The following RRP9 variants were observed in gnomAD, a reference collection of about 807,000 sequenced individuals.
RRP9 encodes the protein ribosomal RNA processing 9, U3 small nucleolar RNA binding protein.
In RRP9, 35 loss-of-function variants were observed where a neutral mutation model predicts 65.5. The observed-to-expected ratio is 0.53, with a 90% confidence interval of 0.41 to 0.71. The LOEUF is 0.71. Ranked by LOEUF, RRP9 falls within the 30% of genes least tolerant of loss-of-function variation. The pLI is 0.00. For synonymous variants in RRP9, 254 were observed against 245.0 expected, an observed-to-expected ratio of 1.04 and a Z score of -0.34; for missense variants, 533 against 633.6, an observed-to-expected ratio of 0.84 and a Z score of 1.70.
In RRP9 at chr3:51,933,594, C is replaced by T; in HGVS notation, c.1340G>A (p.Gly447Asp). The change falls in exon 15 of 15, where the codon GGC becomes GAC. Residue 447 changes from glycine (G) to aspartate (D), a missense_variant. Coordinates refer to ENST00000232888, the MANE Select transcript of RRP9 (RefSeq NM_004704.5). Reference protein sequence around the residue: ...VAGVGQEHRLGRWWRIKEARN... With the variant: ...VAGVGQEHRLDRWWRIKEARN... ...AGCCTCTTTGATTCTCCACCATCGG[C>T]CAAGCCTGCAGGGAGTGCAAGACGC... 6.2e-7 allele frequency: 1 copy of T among 1,614,048 alleles called. No individual in the cohort carries two copies. The highest frequency in any genetic ancestry group is 1.1e-5 in the South Asian group (1 of 91,084).
Position 51,937,707 on chromosome 3 carries a change from C to G in RRP9, c.310G>C (p.Glu104Gln). The change falls in exon 4 of 15, where the codon GAG becomes CAG. Residue 104 changes from glutamate to glutamine, a missense_variant. Transcript: ENST00000232888. The surrounding 1 kb of genome is among the most constrained non-coding windows in gnomAD (Gnocchi z 5.0). ...EEEKAEARAF[E>Q]EDQVAGRLKE... ...AGGCGCCCCGCCACCTGGTCCTCCT[C>G]AAATGCACGGGCCTCAGCCTTCTCC... 13 of 1,614,192 alleles carry G rather than the reference C, an allele frequency of 8.1e-6. No individual in the cohort carries two copies. Among genetic ancestry groups the G allele is most frequent in the African/African-American group, 2.7e-5 (2 of 75,070 alleles).
At chr3:51,939,037 CCT>C (rs1174568799) in intron 2 of RRP9, among the ~76,000 whole-genome samples, 2 of 152,212 alleles carry the variant, frequency 1.3e-5, no homozygotes, top group East Asian at 3.8e-4. Context: ...GCTGCTTTGA[CCT>C]GCTCCTGGGA....
chr3:51,937,859 G>A lies in RRP9; in HGVS notation c.281-123C>T, dbSNP rs997816758. 5 of 1,239,256 alleles carry A rather than the reference G, an allele frequency of 4.0e-6. No homozygotes were observed. Among genetic ancestry groups the A allele is most frequent in the South Asian group, 2.7e-5 (2 of 73,532 alleles). 76.8% of individuals were successfully genotyped at this position (1,239,256 alleles called of 1,614,324 possible). A position where few individuals can be genotyped will look rare whatever the true frequency, so the allele number is the denominator to read the frequency against. ...GAAGCTCCAGCTGCCTCAGCAGAGG[G>A]GAGGGCAAGCTGGAGGGTTTCCTCC... On this transcript the variant is annotated intron_variant, in intron 3 of 14. Transcript: ENST00000232888. The surrounding 1 kb of genome is among the most constrained non-coding windows in gnomAD (Gnocchi z 5.0).
chr3:51,938,078 C>T lies in RRP9; in HGVS notation c.280+17G>A. 2.5e-6 allele frequency: 4 copies of T among 1,574,744 alleles called. No individual in the cohort carries two copies. The highest frequency in any genetic ancestry group is 2.6e-6 in the Non-Finnish European group (3 of 1,163,904). On this transcript the variant is annotated intron_variant, in intron 3 of 14. Coordinates refer to ENST00000232888, the MANE Select transcript of RRP9 (RefSeq NM_004704.5). ...AGGCAGAAGCCCTGCCCATGGCTGG[C>T]CTGCCCACTGGCTCACCTTGCTGAC...
At chr3:51,936,691 G>A (rs4687791) in intron 6 of RRP9, 136 bp from the exon 7 acceptor site, 10 of 903,274 alleles carry the variant, frequency 1.1e-5, no homozygotes, top group East Asian at 2.6e-5. Flanking sequence ...CTCAGCCACC[G>A]TGAGCCTCCG....
Position 51,937,874 on chromosome 3 carries a change from G to A in RRP9, c.281-138C>T. 8.8e-7 allele frequency: 1 copy of A among 1,135,252 alleles called. No individual in the cohort carries two copies. Among genetic ancestry groups the A allele is most frequent in the East Asian group, 2.4e-5 (1 of 41,634 alleles). The allele number at this position is 1,135,252 out of a possible 1,614,324, so 70.3% of individuals were successfully genotyped here. On this transcript the variant is annotated intron_variant, in intron 3 of 14. Coordinates refer to ENST00000232888, the MANE Select transcript of RRP9 (RefSeq NM_004704.5). The surrounding 1 kb of genome is among the most constrained non-coding windows in gnomAD (Gnocchi z 5.0). ...TCAGCAGAGGGGAGGGCAAGCTGGA[G>A]GGTTTCCTCCTGCCTTTACTTATCA...
chr3:51,937,534 T>C lies in RRP9; in HGVS notation c.390+11A>G, dbSNP rs765752228. ...CCTCCAACCTTATACCAAAATACCA[T>C]GCCCACTCACCTCTTTTGCCACCAA... On this transcript the variant is annotated intron_variant, in intron 5 of 14. Transcript: ENST00000232888. The surrounding 1 kb of genome is among the most constrained non-coding windows in gnomAD (Gnocchi z 5.0). 2 of 1,614,176 alleles carry C rather than the reference T, an allele frequency of 1.2e-6. No individual in the cohort carries two copies. The highest frequency in any genetic ancestry group is 1.7e-6 in the Non-Finnish European group (2 of 1,180,028).
In RRP9 at chr3:51,937,956, A is replaced by G. The variant is rs1699478245; in HGVS notation, c.280+139T>C. On this transcript the variant is annotated intron_variant, in intron 3 of 14. Coordinates refer to ENST00000232888, the MANE Select transcript of RRP9 (RefSeq NM_004704.5). The surrounding 1 kb of genome is among the most constrained non-coding windows in gnomAD (Gnocchi z 5.0). ...CATGAGAGCTTCTGGCCACCCCCAC[A>G]GGGCAGCCAGCACTGACAGCCTGGG... 1.1e-6 allele frequency: 1 copy of G among 924,664 alleles called. No homozygotes were observed. The highest frequency in any genetic ancestry group is 2.4e-5 in the East Asian group (1 of 41,066). The allele number at this position is 924,664 out of a possible 1,614,324, so 57.3% of individuals were successfully genotyped here. A position where few individuals can be genotyped will look rare whatever the true frequency, so the allele number is the denominator to read the frequency against.
chr3:51,939,955 A>C (rs1461223434), intron 2 of RRP9, among the ~76,000 whole-genome samples: 1 of 152,208 alleles, frequency 6.6e-6, no homozygotes, highest in African/African-American at 2.4e-5. Context: ...TAACCTTCGG[A>C]TTAAGAAAAG....
At chr3:51,940,626 A>G (rs1440184099) in intron 2 of RRP9, among the ~76,000 whole-genome samples, 3 of 151,990 alleles carry the variant, frequency 2.0e-5, no homozygotes, top group Non-Finnish European at 4.4e-5. Context: ...GGGATCCCCA[A>G]ACCTTAGCCT....
At chr3:51,938,023 G>GAT in intron 3 of RRP9, 72 bp downstream of exon 3, 1 of 1,277,244 alleles carries the variant, frequency 7.8e-7, no homozygotes, top group African/African-American at 1.5e-5. Flanking sequence ...CAAGTGGCTG[G>GAT]GGCTGCAGCG....
At chr3:51,939,054 G>A (rs1699487713) in intron 2 of RRP9, among the ~76,000 whole-genome samples, 1 of 152,174 alleles carries the variant, frequency 6.6e-6, no homozygotes, top group South Asian at 2.1e-4. Context: ...CTGGGAGCTG[G>A]GGGTAGGTCA....
At chr3:51,936,197 G>A (rs1699456849) in intron 8 of RRP9, 60 bp downstream of exon 8, 1 of 1,503,950 alleles carries the variant, frequency 6.6e-7, no homozygotes, top group Non-Finnish European at 9.3e-7. Flanking sequence ...GGCCAGCACT[G>A]AGCCTAGAAC....
chr3:51,938,892 C>G (rs370295388), intron 2 of RRP9, among the ~76,000 whole-genome samples: 1 of 152,190 alleles, frequency 6.6e-6, no homozygotes, highest in African/African-American at 2.4e-5. Flanking sequence ...CAGCACCATC[C>G]TTTACCCTGG....
At position 51,936,240 on chromosome 3, in the gene RRP9, T is replaced by C. The variant is rs757564626; in HGVS notation, c.735+17A>G. 8 of 1,611,698 alleles carry C rather than the reference T, an allele frequency of 5.0e-6. No individual in the cohort carries two copies. Among genetic ancestry groups the C allele is most frequent in the South Asian group, 2.2e-5 (2 of 91,034 alleles). ...TGTGCCCACTAAAGATCCACTGACA[T>C]AGACCCAGCTCCTCACCGACACTGC... On this transcript the variant is annotated intron_variant, in intron 8 of 14. Transcript: ENST00000232888.
At position 51,935,616 on chromosome 3, in the gene RRP9, G is replaced by A. The variant is rs1699449376; in HGVS notation, c.812C>T (p.Ala271Val). 1 of 1,614,078 alleles carries A rather than the reference G, an allele frequency of 6.2e-7. No individual in the cohort carries two copies. The highest frequency in any genetic ancestry group is 8.5e-7 in the Non-Finnish European group (1 of 1,180,032). ...HDRSVKVWNV[A>V]ENSYVETLFG... ...CAGCGTCTCCACGTAGGAGTTCTCT[G>A]CCACATTCCACACCTTCACGGAGCG... The change falls in exon 9 of 15, where the codon GCA becomes GTA. Residue 271 changes from alanine to valine, a missense_variant. Ala to Val is a moderately conservative substitution (Grantham distance 64). Around this residue, in one of 3 missense-constraint regions of RRP9, gnomAD observed 449 missense variants for 550.6 expected, o/e 0.82. Coordinates refer to ENST00000232888, the MANE Select transcript of RRP9 (RefSeq NM_004704.5).
At chr3:51,941,376 T>C in intron 2 of RRP9, 33 bp downstream of exon 2, 1 of 1,584,526 alleles carries the variant, frequency 6.3e-7, no homozygotes, top group African/African-American at 1.3e-5. Context: ...GGACTCAGTT[T>C]TCCCTCCCAC....
At chr3:51,941,574 CAG>C in intron 1 of RRP9, 83 bp from the exon 2 acceptor site, 1 of 1,343,054 alleles carries the variant, frequency 7.4e-7, no homozygotes, top group African/African-American at 1.4e-5. Context: ...TCGGTTCCCT[CAG>C]AACCCCAGGA....
In RRP9 at chr3:51,933,539, G is replaced by A. The variant is rs767591264; in HGVS notation, c.1395C>T (p.Arg465=). The part of the protein sequence containing the change: ...ARNSVCIIPL[R]RVPVPPAAGS Reference sequence around the variant, plus strand: ...CAGCAGCTGGGGGTACAGGGACCCTGCGGAGTGGGATGATGCAGACAGAAT... The same window carrying A: ...CAGCAGCTGGGGGTACAGGGACCCTACGGAGTGGGATGATGCAGACAGAAT... Residue 465 remains arginine, a synonymous_variant, in exon 15 of 15, where the codon CGC becomes CGT. Transcript: ENST00000232888. 5 of 1,614,094 alleles carry A rather than the reference G, an allele frequency of 3.1e-6. No homozygotes were observed. In the South Asian group the frequency reaches 3.3e-5, roughly 11 times the overall value.
Sources: allele counts gnomAD v4.1 joint callset (sites outside exome capture counted in the v4.1 genomes callset), GRCh38; gene constraint gnomAD v4.1.1; regional missense constraint gnomAD v4.1.1; non-coding constraint Gnocchi (gnomAD v3.1); transcripts MANE v1.5; gene names NCBI Gene and HGNC (gene_info 2026-07-23, HGNC 2026-07-21).